The following SHISA9 variants were observed in gnomAD, a reference collection of about 807,000 sequenced individuals.
SHISA9 encodes protein shisa-9.
In SHISA9, 13 loss-of-function variants were observed where a neutral mutation model predicts 38.0. The observed-to-expected ratio is 0.34, with a 90% CI of 0.22 to 0.54. The LOEUF (loss-of-function observed/expected upper bound fraction) is 0.54, where lower values mean the gene tolerates loss of function less well. Among genes scored for constraint, SHISA9 ranks in the 20% least tolerant of loss-of-function variants. The probability of loss-of-function intolerance (pLI) is 0.91; values close to 1 mark genes in which losing one functional copy is unlikely to be tolerated. For synonymous variants in SHISA9, 275 were observed against 242.0 expected, an observed-to-expected ratio of 1.14 and a Z score of -1.27; for missense variants, 538 against 575.8, an observed-to-expected ratio of 0.93 and a Z score of 0.67.
At chr16:13,379,084 GA>G in the SHISA9 span, among the ~76,000 whole-genome samples, 15,772 of 152,080 alleles carry the variant, frequency 0.1, 912 homozygotes, top group Non-Finnish European at 0.14. Context: ...ACCCTCTAGG[GA>G]CTCAAGATAC....
At chr16:13,102,430 G>A (rs1218616728) in intron 2 of SHISA9, among the ~76,000 whole-genome samples, 2 of 152,096 alleles carry the variant, frequency 1.3e-5, no homozygotes, top group South Asian at 2.1e-4. Context: ...TGTCCTCACC[G>A]CGTGGCCCAG....
intron 2 of SHISA9, among the ~76,000 whole-genome samples, chr16:13,006,012 G>T (rs1176655997): frequency 1.3e-5 from 2 of 152,308 alleles, no homozygotes; most frequent in South Asian, 2.1e-4. Context: ...ACCCACAAAG[G>T]CATGTGTGTC....
chr16:13,019,804 CTTTCTTTCTT>C (rs2072805984), intron 2 of SHISA9, among the ~76,000 whole-genome samples: 1 of 140,278 alleles, frequency 7.1e-6, no homozygotes, highest in African/African-American at 2.7e-5. Flanking sequence ...TTCTTTCTTT[CTTTCTTTCTT>C]TCTTTCTTTC....
chr16:13,277,429 TTG>T, the SHISA9 span, among the ~76,000 whole-genome samples: 1 of 150,504 alleles, frequency 6.6e-6, no homozygotes, highest in African/African-American at 2.5e-5. Context: ...AATTTTAGAA[TTG>T]TTTTTTTTTC....
the SHISA9 span, among the ~76,000 whole-genome samples, chr16:13,375,872 C>G: frequency 2.0e-5 from 3 of 152,128 alleles, no homozygotes; most frequent in African/African-American, 7.2e-5. Context: ...CAACCCAACA[C>G]CTATCAAAAT....
At chr16:13,558,786 T>C in the SHISA9 span, among the ~76,000 whole-genome samples, 1 of 152,328 alleles carries the variant, frequency 6.6e-6, no homozygotes, top group South Asian at 2.1e-4. Context: ...CAAAAAAAGA[T>C]ATTTGTTTAT....
the SHISA9 span, among the ~76,000 whole-genome samples, chr16:13,304,371 C>T: frequency 6.6e-6 from 1 of 152,236 alleles, no homozygotes; most frequent in African/African-American, 2.4e-5. Context: ...GTGAACCTCC[C>T]ACCTCAGCCT....
the SHISA9 span, among the ~76,000 whole-genome samples, chr16:13,283,989 T>A: frequency 6.6e-6 from 1 of 152,294 alleles, no homozygotes; most frequent in African/African-American, 2.4e-5. Context: ...AGTGACCCCC[T>A]GCATGGACTT....
At chr16:13,156,894 G>A (rs1458677569) in intron 2 of SHISA9, among the ~76,000 whole-genome samples, 1 of 152,162 alleles carries the variant, frequency 6.6e-6, no homozygotes, top group East Asian at 1.9e-4. Flanking sequence ...TCCACATCAT[G>A]TGCGTCATCA....
intron 2 of SHISA9, among the ~76,000 whole-genome samples, chr16:13,191,961 T>C (rs1342877083): frequency 1.3e-5 from 2 of 152,116 alleles, no homozygotes; most frequent in African/African-American, 4.8e-5. Context: ...GGAGTGAGGG[T>C]TGGAAACTGT....
At chr16:13,126,869 G>A (rs1440722210) in intron 2 of SHISA9, among the ~76,000 whole-genome samples, 3 of 133,974 alleles carry the variant, frequency 2.2e-5, no homozygotes, top group Non-Finnish European at 4.7e-5. Flanking sequence ...GAGAGCTGAG[G>A]GAAGAAGAGA....
intron 2 of SHISA9, among the ~76,000 whole-genome samples, chr16:13,044,760 A>C (rs894155709): frequency 2.6e-5 from 4 of 152,148 alleles, no homozygotes; most frequent in African/African-American, 9.7e-5. Flanking sequence ...TCATTGTGTG[A>C]CGAATGCCAC....
chr16:13,431,400 A>T, the SHISA9 span, among the ~76,000 whole-genome samples: 1 of 152,236 alleles, frequency 6.6e-6, no homozygotes, highest in African/African-American at 2.4e-5. Flanking sequence ...CTTCCAGTTA[A>T]GGAAATTTCC....
chr16:13,302,013 G>A, the SHISA9 span, among the ~76,000 whole-genome samples: 1 of 152,188 alleles, frequency 6.6e-6, no homozygotes, highest in Non-Finnish European at 1.5e-5. Flanking sequence ...TGGGCCCAGA[G>A]TGAGGGGTAC....
the SHISA9 span, among the ~76,000 whole-genome samples, chr16:13,382,449 G>A: frequency 3.5e-5 from 5 of 144,802 alleles, no homozygotes; most frequent in East Asian, 8.3e-4. Context: ...AGAATTTCTT[G>A]AACTCAGGAA....
the SHISA9 span, among the ~76,000 whole-genome samples, chr16:13,496,609 T>C: frequency 6.6e-6 from 1 of 152,032 alleles, no homozygotes; most frequent in East Asian, 1.9e-4. Context: ...TTCCATAAGA[T>C]ACGATTGCTT....
the SHISA9 span, among the ~76,000 whole-genome samples, chr16:13,550,225 C>G: frequency 6.6e-6 from 1 of 151,956 alleles, no homozygotes; most frequent in African/African-American, 2.4e-5. Flanking sequence ...TCACATCCCC[C>G]TCTCTAGATT....
intron 4 of SHISA9, among the ~76,000 whole-genome samples, chr16:13,230,030 C>A (rs1310243496): frequency 2.6e-5 from 4 of 152,170 alleles, no homozygotes; most frequent in African/African-American, 9.7e-5. Flanking sequence ...CACCATCTCC[C>A]TCCTGATCAG....
the SHISA9 span, among the ~76,000 whole-genome samples, chr16:13,352,088 C>T: frequency 6.6e-6 from 1 of 152,110 alleles, no homozygotes; most frequent in Admixed American, 6.5e-5. Flanking sequence ...AGGAGGGCTT[C>T]TTCAGCTTCT....
Sources: gnomAD v4.1 joint callset for allele counts (sites outside exome capture counted in the v4.1 genomes callset) on GRCh38, gnomAD v4.1.1 for gene constraint, MANE v1.5 for transcripts, NCBI Gene and HGNC (gene_info 2026-07-23, HGNC 2026-07-21) for gene names.